ERMAP: variants seen among roughly 807,000 people sequenced by gnomAD.
ERMAP encodes the protein erythroblast membrane associated protein (Scianna blood group).
ERMAP carries 34 observed loss-of-function variants against 49.5 expected under a neutral mutation model. The ratio of observed to expected loss-of-function variants is 0.69; its 90% CI spans 0.52 to 0.91. The LOEUF (loss-of-function observed/expected upper bound fraction) is 0.91, where lower values mean the gene tolerates loss of function less well. Ranked by LOEUF, ERMAP falls within the 40% of genes least tolerant of loss-of-function variation. The pLI, the probability that ERMAP is intolerant of heterozygous loss-of-function variation, is 0.00. For synonymous variants in ERMAP, 214 were observed against 232.2 expected, an observed-to-expected ratio of 0.92 and a Z score of 0.71; for missense variants, 541 against 582.6, an observed-to-expected ratio of 0.93 and a Z score of 0.74.
chr1:42,840,225 T>C (rs1394318807), intron 10 of ERMAP, 45 bp from the exon 11 acceptor site: 2 of 1,614,098 alleles, frequency 1.2e-6, no homozygotes, highest in African/African-American at 1.3e-5. Flanking sequence ...ACAGGAGTTC[T>C]TGATGTCTCT....
chr1:42,840,345 T>C (rs1655021548), intron 11 of ERMAP, 49 bp downstream of exon 11: 3 of 1,610,716 alleles, frequency 1.9e-6, no homozygotes, highest in Non-Finnish European at 2.5e-6. Flanking sequence ...ACTTCCTCCT[T>C]ATGGCTTTGT....
chr1:42,833,447 G>A (rs916726923), intron 4 of ERMAP, among the ~76,000 whole-genome samples: 1 of 152,102 alleles, frequency 6.6e-6, no homozygotes, highest in Non-Finnish European at 1.5e-5. Flanking sequence ...TTCCACTTAT[G>A]ATATCATGAG....
At position 42,825,831 on chromosome 1, in the gene ERMAP, G is replaced by A. The variant is rs773727716; in HGVS notation, c.-6+93G>A. 27 of 1,235,254 alleles carry A rather than the reference G, an allele frequency of 2.2e-5. 1 individual carries two copies. The highest frequency in any genetic ancestry group is 2.2e-4 in the Middle Eastern group (1 of 4,500). The allele number at this position is 1,235,254 out of a possible 1,614,324, so 76.5% of individuals were successfully genotyped here. On this transcript the variant is annotated intron_variant, in intron 2 of 11. Transcript: ENST00000372517. ...GAGAAATAATCCCCTTTCTCCTTAC[G>A]CACAAGAACATTTTCAAGGGTGAAA... is the stretch of plus-strand genomic sequence containing the variant.
intron 1 of ERMAP, among the ~76,000 whole-genome samples, chr1:42,822,372 C>T (rs548007894): frequency 1.3e-5 from 2 of 152,080 alleles, no homozygotes; most frequent in South Asian, 2.1e-4. Context: ...TTAGTAGAGA[C>T]AGGATTTCGC....
intron 6 of ERMAP, chr1:42,836,851 A>C: frequency 4.3e-6 from 1 of 232,298 alleles, no homozygotes; most frequent in East Asian, 8.0e-5. Flanking sequence ...TTTAAAAAAA[A>C]TCTGCAGTGA....
chr1:42,838,649 G>A (rs537356077), intron 7 of ERMAP, among the ~76,000 whole-genome samples: 2 of 152,168 alleles, frequency 1.3e-5, no homozygotes, highest in African/African-American at 4.8e-5. Context: ...CAGCAGAAAT[G>A]AAACCAGACA....
intron 8 of ERMAP, chr1:42,839,208 G>C: frequency 1.9e-6 from 1 of 536,118 alleles, no homozygotes; most frequent in Non-Finnish European, 3.4e-6. Context: ...TATCACCCAG[G>C]CATGACATTT....
intron 1 of ERMAP, among the ~76,000 whole-genome samples, chr1:42,823,719 C>T (rs1360422055): frequency 1.3e-5 from 2 of 152,126 alleles, no homozygotes; most frequent in South Asian, 2.1e-4. Context: ...TGATATGCAG[C>T]GTAACTGTTT....
At chr1:42,831,211 A>T in intron 4 of ERMAP, 96 bp downstream of exon 4, 1 of 1,412,604 alleles carries the variant, frequency 7.1e-7, no homozygotes. Context: ...CTTTTCTTTC[A>T]TCTGCAGTGT....
intron 1 of ERMAP, among the ~76,000 whole-genome samples, chr1:42,821,439 G>A (rs12126083): frequency 0.31 from 46,411 of 152,030 alleles, 7,557 homozygotes; most frequent in East Asian, 0.65. Context: ...CTCACTCATA[G>A]AGTTAGAAGT....
intron 1 of ERMAP, among the ~76,000 whole-genome samples, chr1:42,818,864 G>A (rs775622810): frequency 1.3e-5 from 2 of 152,134 alleles, no homozygotes; most frequent in Non-Finnish European, 2.9e-5. Context: ...ATGCTGATTC[G>A]ATTATTATTA....
chr1:42,835,142 A>C lies in ERMAP; in HGVS notation c.538A>C (p.Arg180=). The change falls in exon 5 of 12, where the codon AGA becomes CGA. Residue 180 remains arginine (R), a synonymous_variant. Transcript: ENST00000372517. ...GTGCCTTTGCCTTATCTGGAAGCAA[A>C]GAAGAGCAAAAGGTAATTAAATGGT... ...MVCLCLIWKQ[R]RAKEKLLYEH... 2 of 1,422,402 alleles carry C rather than the reference A, an allele frequency of 1.4e-6. No homozygotes were observed. Among genetic ancestry groups the C allele is most frequent in the Non-Finnish European group, 2.0e-6 (2 of 1,004,878 alleles). 88.1% of individuals were successfully genotyped at this position (1,422,402 alleles called of 1,614,324 possible). A position where few individuals can be genotyped will look rare whatever the true frequency, so the allele number is the denominator to read the frequency against.
In ERMAP at chr1:42,825,560, CAG is replaced by C. The variant is rs10590021; in HGVS notation, c.-121-56_-121-55del. The C allele has an allele frequency of 1.6e-3, 2,028 of 1,231,760 alleles. 29 individuals carry two copies. The African/African-American group carries it at 0.03, about 18-fold the overall frequency. 76.3% of individuals were successfully genotyped at this position (1,231,760 alleles called of 1,614,324 possible). ...CAGCGAGAAGGGAGTTCTGTGGGGG[CAG>C]AGAGAGCCCTGGCCTCTCATATTTC... On this transcript the variant is annotated intron_variant, in intron 1 of 11. Transcript: ENST00000372517.
intron 1 of ERMAP, among the ~76,000 whole-genome samples, chr1:42,821,083 C>G (rs1243254890): frequency 6.6e-6 from 1 of 152,182 alleles, no homozygotes; most frequent in African/African-American, 2.4e-5. Flanking sequence ...TCTGCAGGCA[C>G]CTGGGTTAGA....
intron 4 of ERMAP, among the ~76,000 whole-genome samples, chr1:42,832,392 A>T (rs1654771215): frequency 6.7e-6 from 1 of 149,242 alleles, no homozygotes; most frequent in Non-Finnish European, 1.5e-5. Flanking sequence ...TTGGAGATGG[A>T]GTTTCACTCT....
At chr1:42,835,224 C>T (rs559035467) in intron 5 of ERMAP, 70 bp downstream of exon 5, 72 of 787,728 alleles carry the variant, frequency 9.1e-5, no homozygotes, top group Middle Eastern at 4.6e-4. Flanking sequence ...AAGGGCCAGA[C>T]GGAAGTAGAT....
Position 42,843,288 on chromosome 1 carries a change from GTCGCC to G in ERMAP, c.*58_*62del. 1.5e-6 allele frequency: 2 copies of G among 1,328,856 alleles called. No homozygotes were observed. The highest frequency in any genetic ancestry group is 4.9e-5 in the Admixed American group (2 of 41,106). 82.3% of individuals were successfully genotyped at this position (1,328,856 alleles called of 1,614,324 possible). Reference sequence around the variant, plus strand: ...ATCCAGCCCAGCACCCTGGACTTCAGTCGCCTGGCCCAACCCCATGATTATGGAAC... The same window carrying G: ...ATCCAGCCCAGCACCCTGGACTTCAGTGGCCCAACCCCATGATTATGGAAC... On this transcript the variant is annotated 3_prime_UTR_variant, in exon 12 of 12. Coordinates refer to ENST00000372517, the MANE Select transcript of ERMAP (RefSeq NM_001017922.2).
chr1:42,819,170 CGTGT>C lies in ERMAP; in HGVS notation c.-122+1951_-122+1954del, dbSNP rs145113385. Among the ~76,000 whole-genome samples the C allele has an allele frequency of 0.033, 4,693 of 142,508 alleles. 103 individuals carry two copies. The highest frequency in any genetic ancestry group is 0.038 in the Non-Finnish European group (2,479 of 64,872). The allele number at this position is 142,508 out of a possible 152,430, so 93.5% of individuals were successfully genotyped here. On this transcript the variant is annotated intron_variant, in intron 1 of 11. Coordinates refer to ENST00000372517, the MANE Select transcript of ERMAP (RefSeq NM_001017922.2). This position sits in a 1 kb window ranked among gnomAD's most constrained non-coding sequence, Gnocchi z 5.1. Reference sequence around the variant, plus strand: ...GGTGAGGAAGAGGATAAGTTAGGAGCGTGTGTGTGTGTGTGTGTGTGTGTGTGTG... The same window carrying C: ...GGTGAGGAAGAGGATAAGTTAGGAGCGTGTGTGTGTGTGTGTGTGTGTGTG...
intron 8 of ERMAP, 115 bp downstream of exon 8, chr1:42,839,036 G>C: frequency 2.6e-6 from 4 of 1,552,186 alleles, no homozygotes; most frequent in Non-Finnish European, 3.6e-6. Flanking sequence ...GGTAATTCAA[G>C]CCATGGGGAC....
Sources: gnomAD v4.1 joint callset for allele counts (sites outside exome capture counted in the v4.1 genomes callset) on GRCh38, gnomAD v4.1.1 for gene constraint, Gnocchi (gnomAD v3.1) non-coding constraint, MANE v1.5 for transcripts, NCBI Gene and HGNC (gene_info 2026-07-23, HGNC 2026-07-21) for gene names.